The following NTM variants were observed in gnomAD, a reference collection of about 807,000 sequenced individuals.
NTM encodes the protein IgLON family member 2.
In NTM, 13 loss-of-function variants were observed where a neutral mutation model predicts 42.1. The ratio of observed to expected loss-of-function variants is 0.31; its 90% CI spans 0.20 to 0.49. The LOEUF is 0.49. Ranked by LOEUF, NTM falls within the 20% of genes least tolerant of loss-of-function variation. The pLI, the probability that NTM is intolerant of heterozygous loss-of-function variation, is 0.99. For missense variants in NTM, 373 were observed against 452.8 expected, an observed-to-expected ratio of 0.82 and a Z score of 1.60; for synonymous variants, 187 against 179.2, an observed-to-expected ratio of 1.04 and a Z score of -0.35.
chr11:131,843,012 AAAATAAATAAAT>A (rs560126461), intron 1 of NTM, among the ~76,000 whole-genome samples: 3 of 152,178 alleles, frequency 2.0e-5, no homozygotes, highest in Non-Finnish European at 2.9e-5. Context: ...TTTGTCTCAA[AAAATAAATAAAT>A]AAATAAATAA....
intron 2 of NTM, among the ~76,000 whole-genome samples, chr11:132,059,991 T>C (rs1050877969): frequency 8.5e-5 from 13 of 152,104 alleles, no homozygotes; most frequent in African/African-American, 3.1e-4. Flanking sequence ...TCCTGTCCTC[T>C]AGATACCTGT....
At chr11:131,970,943 G>A (rs1432474891) in intron 2 of NTM, among the ~76,000 whole-genome samples, 1 of 152,172 alleles carries the variant, frequency 6.6e-6, no homozygotes, top group Non-Finnish European at 1.5e-5. Context: ...ATGTGATGGT[G>A]CATTGTATGC....
intron 1 of NTM, among the ~76,000 whole-genome samples, chr11:131,570,315 A>T (rs1243381192): frequency 6.6e-6 from 1 of 152,192 alleles, no homozygotes; most frequent in African/African-American, 2.4e-5. Context: ...ACTGTCCTCT[A>T]GTAATACTCC....
chr11:132,212,095 A>C lies in NTM; in HGVS notation c.474A>C (p.Ile158=), dbSNP rs1481796381. 1.2e-6 allele frequency: 2 copies of C among 1,613,818 alleles called. No individual in the cohort carries two copies. The highest frequency in any genetic ancestry group is 1.7e-6 in the Non-Finnish European group (2 of 1,179,860). The change falls in exon 4 of 9, where the codon ATA becomes ATC. Residue 158 remains isoleucine (I), a synonymous_variant. Transcript: ENST00000683400. ...GGAACAATATTAGCCTCACCTGCAT[A>C]GCAACTGGTAGACCAGAGCCTACGG... The part of the protein sequence containing the change: ...NEGNNISLTC[I]ATGRPEPTVT...
intron 1 of NTM, among the ~76,000 whole-genome samples, chr11:131,377,263 A>G (rs1942094566): frequency 6.6e-6 from 1 of 152,128 alleles, no homozygotes; most frequent in Non-Finnish European, 1.5e-5. Flanking sequence ...CCTTTGGTGT[A>G]TATAGGATGG....
chr11:132,039,121 G>A lies in NTM; in HGVS notation c.168-107161G>A, dbSNP rs576226248. The stretch of plus-strand genomic sequence containing the variant: ...CTGCCCAGGGAGATGGGTGAGGCCC[G>A]GCCCTTTGGGCTTTGAGGTCTGTGC... On this transcript the variant is annotated intron_variant, in intron 2 of 8. Transcript: ENST00000683400. Among the ~76,000 whole-genome samples the A allele has an allele frequency of 2.6e-5, 4 of 152,256 alleles. No homozygotes were observed. In the South Asian group the frequency reaches 6.2e-4, roughly 24 times the overall value.
At chr11:132,290,237 G>C (rs1216663458) in intron 4 of NTM, among the ~76,000 whole-genome samples, 1 of 152,004 alleles carries the variant, frequency 6.6e-6, no homozygotes, top group African/African-American at 2.4e-5. Flanking sequence ...ATAGCAGTAA[G>C]ACTGACTAAA....
intron 1 of NTM, among the ~76,000 whole-genome samples, chr11:131,724,445 C>T (rs1208204228): frequency 2.0e-5 from 3 of 152,160 alleles, no homozygotes; most frequent in Non-Finnish European, 2.9e-5. Context: ...CTCTCAGCCT[C>T]AAGTCATGTA....
chr11:132,039,759 G>A (rs764735482), intron 2 of NTM, among the ~76,000 whole-genome samples: 2 of 152,106 alleles, frequency 1.3e-5, no homozygotes, highest in Non-Finnish European at 2.9e-5. Context: ...AGGAATGTGC[G>A]AGTCAACTCC....
At chr11:132,033,717 G>C (rs1164050181) in intron 2 of NTM, among the ~76,000 whole-genome samples, 1 of 152,236 alleles carries the variant, frequency 6.6e-6, no homozygotes, top group Non-Finnish European at 1.5e-5. Flanking sequence ...GACCTCTGCA[G>C]ATCAGCCATA....
At chr11:131,760,823 T>C (rs2084050608) in intron 1 of NTM, among the ~76,000 whole-genome samples, 1 of 152,158 alleles carries the variant, frequency 6.6e-6, no homozygotes, top group African/African-American at 2.4e-5. Flanking sequence ...AGGAAACCTG[T>C]TCCAGGGGAC....
chr11:131,914,561 A>G (rs899284615), intron 2 of NTM, among the ~76,000 whole-genome samples: 1 of 152,242 alleles, frequency 6.6e-6, no homozygotes, highest in East Asian at 1.9e-4. Flanking sequence ...GTCCCTAAAG[A>G]ATAAATGCTC....
chr11:131,427,676 T>C (rs1454187398), intron 1 of NTM, among the ~76,000 whole-genome samples: 1 of 152,204 alleles, frequency 6.6e-6, no homozygotes, highest in Non-Finnish European at 1.5e-5. Context: ...TTTTCAGTTA[T>C]CGTGTATTAC....
intron 1 of NTM, among the ~76,000 whole-genome samples, chr11:131,878,594 AATATATAT>A (rs201069325): frequency 0.012 from 222 of 19,274 alleles, 3 homozygotes; most frequent in African/African-American, 0.024. Context: ...AAAAAAAAAA[AATATATAT>A]ATATATATAT....
intron 1 of NTM, among the ~76,000 whole-genome samples, chr11:131,641,099 T>C (rs1224542772): frequency 6.6e-6 from 1 of 152,212 alleles, no homozygotes; most frequent in African/African-American, 2.4e-5. Context: ...TTAATGGCTG[T>C]CGACACTGAC....
At chr11:131,409,632 C>A (rs59474528) in intron 1 of NTM, among the ~76,000 whole-genome samples, 9,418 of 152,214 alleles carry the variant, frequency 0.062, 1,462 homozygotes, top group East Asian at 0.61. Context: ...GGTGCAGCGG[C>A]ACGGGGGCAG....
intron 1 of NTM, among the ~76,000 whole-genome samples, chr11:131,871,871 C>G (rs1266068869): frequency 2.6e-5 from 4 of 152,174 alleles, no homozygotes; most frequent in African/African-American, 9.7e-5. Flanking sequence ...TTCCTTGTTT[C>G]CCTGCAGCTC....
At chr11:131,832,575 C>G (rs556589560) in intron 1 of NTM, among the ~76,000 whole-genome samples, 1 of 152,268 alleles carries the variant, frequency 6.6e-6, no homozygotes, top group South Asian at 2.1e-4. Context: ...TCACCCTCAG[C>G]TTGGATATGA....
intron 4 of NTM, among the ~76,000 whole-genome samples, chr11:132,262,893 T>A (rs2139566489): frequency 6.6e-6 from 1 of 152,318 alleles, no homozygotes. Context: ...AGACAAAATT[T>A]CTTTGCAGCT....
Sources: allele counts gnomAD v4.1 joint callset (sites outside exome capture counted in the v4.1 genomes callset), GRCh38; gene constraint gnomAD v4.1.1; transcripts MANE v1.5; gene names NCBI Gene and HGNC (gene_info 2026-07-23, HGNC 2026-07-21).